Variants in ABCA3 observed in about 807,000 individuals in gnomAD.
ABCA3 encodes the protein phospholipid-transporting ATPase ABCA3.
Under a neutral mutation model 172.8 loss-of-function variants are expected in ABCA3, and 88 were observed. The observed-to-expected ratio is 0.51, with a 90% CI of 0.43 to 0.61. ABCA3 has a LOEUF of 0.61. Among genes scored for constraint, ABCA3 ranks in the 20% least tolerant of loss-of-function variants. ABCA3 has a pLI of 0.00. For synonymous variants in ABCA3, 1,066 were observed against 983.8 expected, an observed-to-expected ratio of 1.08 and a Z score of -1.56; for missense variants, 2,164 against 2,301.0, an observed-to-expected ratio of 0.94 and a Z score of 1.22.
At chr16:2,313,210 C>T (rs552474822) in intron 10 of ABCA3, among the ~76,000 whole-genome samples, 1 of 152,162 alleles carries the variant, frequency 6.6e-6, no homozygotes, top group Non-Finnish European at 1.5e-5. Flanking sequence ...TGCACCGTCA[C>T]TACAAATGTC....
At position 2,279,961 on chromosome 16, in the gene ABCA3, G is replaced by T. The variant is rs1408354257; in HGVS notation, c.4360-831C>A. 6.6e-6 allele frequency among the ~76,000 whole-genome samples: 1 copy of T among 152,220 alleles called. No individual in the cohort carries two copies. The highest frequency in any genetic ancestry group is 6.5e-5 in the Admixed American group (1 of 15,284). On this transcript the variant is annotated intron_variant, in intron 28 of 32. Coordinates refer to ENST00000301732, the MANE Select transcript of ABCA3 (RefSeq NM_001089.3). This position sits in a 1 kb window ranked among gnomAD's most constrained non-coding sequence, Gnocchi z 4.4. ...AGACAGCATTTTGCCATGTTGGCCA[G>T]GCTGGTCTCGAACTCTAGACCTCAA...
intron 11 of ABCA3, among the ~76,000 whole-genome samples, chr16:2,306,795 C>T (rs2093698302): frequency 6.6e-6 from 1 of 151,934 alleles, no homozygotes; most frequent in East Asian, 1.9e-4. Flanking sequence ...GCGGGCGGAT[C>T]ACAAGGTCAG....
chr16:2,304,780 A>G (rs1390301925), intron 11 of ABCA3, among the ~76,000 whole-genome samples: 1 of 149,302 alleles, frequency 6.7e-6, no homozygotes, highest in Non-Finnish European at 1.5e-5. Context: ...GGTTCACGCC[A>G]TTCTCCTGCC....
At chr16:2,316,453 T>A (rs2093715821) in intron 10 of ABCA3, among the ~76,000 whole-genome samples, 1 of 124,242 alleles carries the variant, frequency 8.0e-6, no homozygotes. Context: ...AAGACCAGCC[T>A]GGACAACATG....
Position 2,284,263 on chromosome 16 carries a change from G to A in ABCA3, c.3862+16C>T. Reference sequence around the variant, plus strand: ...GACGCAGGGGTGCTGCCCGGGGTCGGGGCTGGGACACTCACTATATTTCTT... The same window carrying A: ...GACGCAGGGGTGCTGCCCGGGGTCGAGGCTGGGACACTCACTATATTTCTT... On this transcript the variant is annotated intron_variant, in intron 25 of 32. Coordinates refer to ENST00000301732, the MANE Select transcript of ABCA3 (RefSeq NM_001089.3). The surrounding 1 kb of genome is among the most constrained non-coding windows in gnomAD (Gnocchi z 5.9). 6.2e-7 allele frequency: 1 copy of A among 1,610,882 alleles called. No homozygotes were observed. The highest frequency in any genetic ancestry group is 1.1e-5 in the South Asian group (1 of 90,972).
intron 1 of ABCA3, among the ~76,000 whole-genome samples, chr16:2,336,790 G>T (rs1255477064): frequency 6.6e-6 from 1 of 151,940 alleles, no homozygotes; most frequent in Non-Finnish European, 1.5e-5. Flanking sequence ...AGGATTCAAT[G>T]AGAGTTTATA....
chr16:2,298,602 A>G, intron 14 of ABCA3, 62 bp from the exon 15 acceptor site: 2 of 1,589,332 alleles, frequency 1.3e-6, no homozygotes, highest in Non-Finnish European at 1.7e-6. Flanking sequence ...CACCCGCGGT[A>G]ATGACCCCCC....
chr16:2,278,233 C>G lies in ABCA3; in HGVS notation c.4718+55G>C, dbSNP rs2093649588. On this transcript the variant is annotated intron_variant, in intron 30 of 32. Transcript: ENST00000301732. This position sits in a 1 kb window ranked among gnomAD's most constrained non-coding sequence, Gnocchi z 4.4. Reference sequence around the variant, plus strand: ...GATGGGTCTCCTGGCCACCTGGCTCCTCCATGGCCCACCCGGTGCTGAAAC... The same window carrying G: ...GATGGGTCTCCTGGCCACCTGGCTCGTCCATGGCCCACCCGGTGCTGAAAC... 2 of 1,602,052 alleles carry G rather than the reference C, an allele frequency of 1.2e-6. No individual in the cohort carries two copies. Among genetic ancestry groups the G allele is most frequent in the Admixed American group, 3.3e-5 (2 of 59,994 alleles).
In ABCA3 at chr16:2,317,854, G is replaced by A. The variant is rs534348304; in HGVS notation, c.874-90C>T. ...GCTGGACGGCAGCAGGCCTGAGTCC[G>A]ACTGTCCCAGCAGCCCTGCATTCGA... On this transcript the variant is annotated intron_variant, in intron 8 of 32. Coordinates refer to ENST00000301732, the MANE Select transcript of ABCA3 (RefSeq NM_001089.3). The A allele has an allele frequency of 3.4e-3, 4,046 of 1,173,820 alleles. 17 individuals carry two copies. The highest frequency in any genetic ancestry group is 4.3e-3 in the Non-Finnish European group (3,363 of 787,394). The allele number at this position is 1,173,820 out of a possible 1,614,324, so 72.7% of individuals were successfully genotyped here.
chr16:2,280,443 C>T (rs781445410), intron 28 of ABCA3, among the ~76,000 whole-genome samples: 9 of 152,328 alleles, frequency 5.9e-5, no homozygotes, highest in Non-Finnish European at 1.0e-4. Flanking sequence ...GCTTTCCTCC[C>T]GAGAGGGCCT....
intron 17 of ABCA3, 38 bp from the exon 18 acceptor site, chr16:2,295,778 C>G (rs2093678872): frequency 6.2e-7 from 1 of 1,612,868 alleles, no homozygotes. Flanking sequence ...TTTGGCTGAT[C>G]CCCCAGGTCT....
At chr16:2,290,801 A>G (rs946157811) in intron 19 of ABCA3, among the ~76,000 whole-genome samples, 4 of 152,156 alleles carry the variant, frequency 2.6e-5, no homozygotes, top group Non-Finnish European at 5.9e-5. Flanking sequence ...CATGTCCTGC[A>G]TGTATGATCA....
At chr16:2,316,119 C>A (rs1248478410) in intron 10 of ABCA3, among the ~76,000 whole-genome samples, 2 of 135,596 alleles carry the variant, frequency 1.5e-5, no homozygotes, top group Non-Finnish European at 3.1e-5. Flanking sequence ...GAGTTCAAGA[C>A]CAGTCTGGGA....
At chr16:2,319,075 C>A (rs927064146) in intron 8 of ABCA3, among the ~76,000 whole-genome samples, 1 of 151,890 alleles carries the variant, frequency 6.6e-6, no homozygotes, top group Non-Finnish European at 1.5e-5. Context: ...CAAAATGAGC[C>A]CCTAGCCAGG....
chr16:2,281,359 C>G lies in ABCA3; in HGVS notation c.4164+22G>C. ...AGGTAGTCAGCTGGCAGGAAGGACTCCACCCCAAATTGCAAGGGTACCTTG... is the reference window on the plus strand; with the variant it reads ...AGGTAGTCAGCTGGCAGGAAGGACTGCACCCCAAATTGCAAGGGTACCTTG... On this transcript the variant is annotated intron_variant, in intron 27 of 32. Transcript: ENST00000301732. This position sits in a 1 kb window ranked among gnomAD's most constrained non-coding sequence, Gnocchi z 4.7. The G allele has an allele frequency of 6.2e-7, 1 of 1,613,480 alleles. No individual in the cohort carries two copies. The highest frequency in any genetic ancestry group is 1.1e-5 in the South Asian group (1 of 91,086).
In ABCA3 at chr16:2,277,467, G is replaced by C. The variant is rs2093648264; in HGVS notation, c.4983+130C>G. 1 of 944,256 alleles carries C rather than the reference G, an allele frequency of 1.1e-6. No homozygotes were observed. Among genetic ancestry groups the C allele is most frequent in the South Asian group, 1.4e-5 (1 of 71,414 alleles). 58.5% of individuals were successfully genotyped at this position (944,256 alleles called of 1,614,324 possible). On this transcript the variant is annotated intron_variant, in intron 32 of 32. Transcript: ENST00000301732. This position sits in a 1 kb window ranked among gnomAD's most constrained non-coding sequence, Gnocchi z 5.3. ...CCCCCAAACCAGCACGTATCAGGCTGAGTGTTAGGGGAGAAATGGAAAGTG... is the reference window on the plus strand; with the variant it reads ...CCCCCAAACCAGCACGTATCAGGCTCAGTGTTAGGGGAGAAATGGAAAGTG...
At chr16:2,325,543 C>A (rs545924581) in intron 5 of ABCA3, among the ~76,000 whole-genome samples, 1 of 152,266 alleles carries the variant, frequency 6.6e-6, no homozygotes, top group South Asian at 2.1e-4. Flanking sequence ...CAAGCAAAAA[C>A]CTCACTTTCT....
At position 2,313,002 on chromosome 16, in the gene ABCA3, T is replaced by C. The variant is rs141224236; in HGVS notation, c.1111+4281A>G. On this transcript the variant is annotated intron_variant, in intron 10 of 32. Transcript: ENST00000301732. ...CCTGGGAGACAGAGGTTGCAGTGAG[T>C]CGAGATCAGGCCACTGCACTCCAGC... 2.4e-4 allele frequency among the ~76,000 whole-genome samples: 36 copies of C among 151,716 alleles called. 2 individuals are homozygous for C. In the South Asian group the frequency reaches 6.5e-3, roughly 27 times the overall value.
At chr16:2,280,966 C>T in intron 28 of ABCA3, 61 bp downstream of exon 28, 2 of 1,607,126 alleles carry the variant, frequency 1.2e-6, no homozygotes, top group Non-Finnish European at 1.7e-6. Context: ...TCCCTGCCTC[C>T]AGGGTGCCCC....
Sources: allele counts gnomAD v4.1 joint callset (sites outside exome capture counted in the v4.1 genomes callset), GRCh38; gene constraint gnomAD v4.1.1; non-coding constraint Gnocchi (gnomAD v3.1); transcripts MANE v1.5; gene names NCBI Gene and HGNC (gene_info 2026-07-23, HGNC 2026-07-21).